Variants in FSTL4 observed in about 807,000 individuals in gnomAD.
The protein encoded by FSTL4 is follistatin-related protein 4.
In FSTL4, 28 loss-of-function variants were observed where a neutral mutation model predicts 78.2. The observed-to-expected ratio is 0.36, with a 90% CI of 0.27 to 0.49. The LOEUF (loss-of-function observed/expected upper bound fraction) is 0.49. Among genes scored for constraint, FSTL4 ranks in the 20% least tolerant of loss-of-function variants. FSTL4 has a pLI of 0.98. For synonymous variants in FSTL4, 422 were observed against 440.5 expected, an observed-to-expected ratio of 0.96 and a Z score of 0.53; for missense variants, 922 against 1,084.9, an observed-to-expected ratio of 0.85 and a Z score of 2.11.
rs890781627 is a variant in FSTL4 at position 133,611,183 on chromosome 5, G to T, written c.-11+1142C>A. Among the ~76,000 whole-genome samples the T allele has an allele frequency of 1.3e-5, 2 of 151,982 alleles. No individual in the cohort carries two copies. Among genetic ancestry groups the T allele is most frequent in the Admixed American group, 1.3e-4 (2 of 15,278 alleles). On this transcript the variant is annotated intron_variant, in intron 1 of 15. Transcript: ENST00000265342. The surrounding 1 kb of genome is among the most constrained non-coding windows in gnomAD (Gnocchi z 4.9). ...AGCGAGGGCTGCTGGACAGCGCCCC[G>T]GCACCCGCTCTCGAGCCGCGACACC...
intron 4 of FSTL4, among the ~76,000 whole-genome samples, chr5:133,379,141 A>G (rs1278712140): frequency 6.6e-6 from 1 of 152,160 alleles, no homozygotes; most frequent in Non-Finnish European, 1.5e-5. Flanking sequence ...AATATAAAAC[A>G]ATGCTACTGG....
intron 3 of FSTL4, among the ~76,000 whole-genome samples, chr5:133,419,494 A>G (rs148246049): frequency 1.3e-5 from 2 of 152,352 alleles, no homozygotes; most frequent in Non-Finnish European, 2.9e-5. Flanking sequence ...TCAACTGTTA[A>G]TGGACATTTG....
intron 2 of FSTL4, among the ~76,000 whole-genome samples, chr5:133,581,377 C>T (rs991582828): frequency 6.6e-6 from 1 of 152,190 alleles, no homozygotes; most frequent in Non-Finnish European, 1.5e-5. Context: ...GTTTCCTCGT[C>T]TGAAGAGGAG....
the FSTL4 span, among the ~76,000 whole-genome samples, chr5:133,829,941 A>G: frequency 1.4e-4 from 22 of 152,056 alleles, no homozygotes; most frequent in Non-Finnish European, 3.1e-4. Flanking sequence ...CAAGACTCCC[A>G]TGAGGTCTTG....
intron 6 of FSTL4, among the ~76,000 whole-genome samples, chr5:133,274,904 A>G (rs1752846376): frequency 1.3e-5 from 2 of 152,172 alleles, no homozygotes; most frequent in Admixed American, 1.3e-4. Context: ...TATGCATAGG[A>G]CCTGCTACAT....
chr5:133,452,079 G>T (rs1049987761), intron 3 of FSTL4, among the ~76,000 whole-genome samples: 1 of 152,238 alleles, frequency 6.6e-6, no homozygotes, highest in African/African-American at 2.4e-5. Flanking sequence ...TGGGGCTGCC[G>T]TGGAGTTCCA....
chr5:133,795,069 G>A, the FSTL4 span, among the ~76,000 whole-genome samples: 1 of 152,200 alleles, frequency 6.6e-6, no homozygotes, highest in Non-Finnish European at 1.5e-5. Flanking sequence ...AAGGCAGTCA[G>A]AACAGCCCGG....
At chr5:133,395,335 C>T (rs531377977) in intron 4 of FSTL4, among the ~76,000 whole-genome samples, 4 of 152,136 alleles carry the variant, frequency 2.6e-5, no homozygotes, top group South Asian at 2.1e-4. Flanking sequence ...TCCAGACGCG[C>T]CGCCTTAAGA....
At chr5:133,638,258 G>A in the FSTL4 span, among the ~76,000 whole-genome samples, 6 of 151,984 alleles carry the variant, frequency 3.9e-5, no homozygotes, top group African/African-American at 1.4e-4. Flanking sequence ...AGTTGCATCC[G>A]GAGCTCCCTT....
chr5:133,793,771 C>T, the FSTL4 span, among the ~76,000 whole-genome samples: 1 of 152,230 alleles, frequency 6.6e-6, no homozygotes, highest in African/African-American at 2.4e-5. Flanking sequence ...GAAGCAGCCC[C>T]GGGTTTGTTT....
At chr5:133,493,085 A>G (rs1157803490) in intron 3 of FSTL4, among the ~76,000 whole-genome samples, 1 of 152,090 alleles carries the variant, frequency 6.6e-6, no homozygotes, top group Admixed American at 6.5e-5. Flanking sequence ...TTCCTTCTTT[A>G]TAATTCTCTT....
the FSTL4 span, among the ~76,000 whole-genome samples, chr5:133,646,187 G>T: frequency 6.6e-6 from 1 of 152,122 alleles, no homozygotes; most frequent in Non-Finnish European, 1.5e-5. Context: ...TTAAACTGGG[G>T]GTCAGGGAAA....
chr5:133,320,352 T>C (rs186924031), intron 4 of FSTL4, among the ~76,000 whole-genome samples: 61 of 152,174 alleles, frequency 4.0e-4, no homozygotes, highest in African/African-American at 1.4e-3. Flanking sequence ...TGGGGTCAGA[T>C]AGGAGTGACT....
intron 4 of FSTL4, chr5:133,388,029 C>T (rs1755747970): frequency 6.6e-6 from 1 of 152,228 alleles, no homozygotes; most frequent in African/African-American, 2.4e-5. Context: ...CATACCGAGT[C>T]AAGGATTATG....
At chr5:133,550,063 G>A (rs1389313915) in intron 3 of FSTL4, among the ~76,000 whole-genome samples, 10 of 152,146 alleles carry the variant, frequency 6.6e-5, no homozygotes. Flanking sequence ...AAGGTCACCT[G>A]CATTGGGCAA....
intron 3 of FSTL4, among the ~76,000 whole-genome samples, chr5:133,502,048 C>T (rs1474300886): frequency 6.6e-6 from 1 of 152,158 alleles, no homozygotes; most frequent in African/African-American, 2.4e-5. Flanking sequence ...GGCAGGAAGG[C>T]CTCCTTTCTT....
intron 6 of FSTL4, among the ~76,000 whole-genome samples, chr5:133,295,492 C>T (rs892680274): frequency 1.3e-5 from 2 of 152,166 alleles, no homozygotes; most frequent in Non-Finnish European, 2.9e-5. Flanking sequence ...ATCCTTTTAG[C>T]TACTGCCCTA....
chr5:133,736,998 G>C, the FSTL4 span, among the ~76,000 whole-genome samples: 5 of 152,022 alleles, frequency 3.3e-5, no homozygotes, highest in African/African-American at 1.2e-4. Flanking sequence ...TTTAATATAG[G>C]CATGCAATGT....
At chr5:133,613,341 G>A (rs1464046567), upstream of FSTL4, among the ~76,000 whole-genome samples, 1 of 152,220 alleles carries the variant, frequency 6.6e-6, no homozygotes, top group Non-Finnish European at 1.5e-5. Flanking sequence ...CAGGCTGATG[G>A]CCAGGAGACT....
Sources: allele counts gnomAD v4.1 joint callset (sites outside exome capture counted in the v4.1 genomes callset), GRCh38; gene constraint gnomAD v4.1.1; non-coding constraint Gnocchi (gnomAD v3.1); transcripts MANE v1.5; gene names NCBI Gene and HGNC (gene_info 2026-07-23, HGNC 2026-07-21).